The following PHF24 variants were observed in gnomAD, a reference collection of about 807,000 sequenced individuals.
PHF24 encodes the protein PHD finger protein 24.
PHF24 carries 25 observed loss-of-function variants against 42.6 expected under a neutral mutation model. That is an observed-to-expected ratio of 0.59 (90% CI 0.43 to 0.82). The LOEUF (loss-of-function observed/expected upper bound fraction) is 0.82, where lower values mean the gene tolerates loss of function less well. Among genes scored for constraint, PHF24 ranks in the 40% least tolerant of loss-of-function variants. PHF24 has a pLI of 0.00. For missense variants in PHF24, 470 were observed against 538.1 expected, an observed-to-expected ratio of 0.87 and a Z score of 1.25; for synonymous variants, 185 against 204.8, an observed-to-expected ratio of 0.90 and a Z score of 0.83.
At chr9:34,765,517 T>G in the PHF24 span, among the ~76,000 whole-genome samples, 7 of 150,182 alleles carry the variant, frequency 4.7e-5, no homozygotes, top group Non-Finnish European at 1.0e-4. Flanking sequence ...AGACTAGGAT[T>G]GCAACCCCTG....
At chr9:34,867,228 G>C in the PHF24 span, among the ~76,000 whole-genome samples, 1 of 152,210 alleles carries the variant, frequency 6.6e-6, no homozygotes, top group South Asian at 2.1e-4. Context: ...TCAGCAAAAT[G>C]GAGAGGCACT....
chr9:34,670,752 G>A, the PHF24 span, among the ~76,000 whole-genome samples: 16 of 152,270 alleles, frequency 1.1e-4, no homozygotes, highest in Non-Finnish European at 2.1e-4. Context: ...AGGTAGGAAT[G>A]TGTCTCCTCC....
chr9:34,843,674 G>T, the PHF24 span, among the ~76,000 whole-genome samples: 3 of 152,220 alleles, frequency 2.0e-5, no homozygotes, highest in African/African-American at 7.2e-5. Flanking sequence ...ACAAAATTTA[G>T]TGATTCAAAA....
the PHF24 span, among the ~76,000 whole-genome samples, chr9:34,927,354 C>G: frequency 1.3e-5 from 2 of 152,070 alleles, no homozygotes; most frequent in Non-Finnish European, 1.5e-5. Context: ...CAGTGGCTAC[C>G]GGCCCCCAGA....
At chr9:34,791,713 G>T in the PHF24 span, among the ~76,000 whole-genome samples, 2 of 152,228 alleles carry the variant, frequency 1.3e-5, no homozygotes, top group African/African-American at 2.4e-5. Flanking sequence ...CAGAAGGCTT[G>T]TTAAAATGTT....
chr9:34,710,081 G>A, the PHF24 span: 5 of 1,612,214 alleles, frequency 3.1e-6, no homozygotes, highest in Non-Finnish European at 4.2e-6. Context: ...GTGGTAGAGG[G>A]TGAGTAAGAG....
At chr9:34,938,370 A>G in the PHF24 span, among the ~76,000 whole-genome samples, 1 of 152,236 alleles carries the variant, frequency 6.6e-6, no homozygotes, top group African/African-American at 2.4e-5. Context: ...TTATGTTACA[A>G]ATGTAGTCAA....
the PHF24 span, among the ~76,000 whole-genome samples, chr9:34,829,106 C>G: frequency 6.6e-6 from 1 of 151,930 alleles, no homozygotes; most frequent in Non-Finnish European, 1.5e-5. Context: ...TGGTCATATT[C>G]TGGATGGATT....
At chr9:34,815,247 C>T in the PHF24 span, among the ~76,000 whole-genome samples, 10 of 152,192 alleles carry the variant, frequency 6.6e-5, no homozygotes, top group Non-Finnish European at 1.5e-5. Context: ...GCTATGTCAC[C>T]TTAAAAATGA....
the PHF24 span, among the ~76,000 whole-genome samples, chr9:34,849,636 C>T: frequency 1.8e-3 from 268 of 152,200 alleles, no homozygotes; most frequent in Admixed American, 4.5e-3. Flanking sequence ...GAATTTGATC[C>T]TGTCATTATG....
chr9:34,780,563 G>A, the PHF24 span, among the ~76,000 whole-genome samples: 3 of 151,984 alleles, frequency 2.0e-5, no homozygotes, highest in African/African-American at 7.2e-5. Context: ...GGGATTATAA[G>A]CGTGAGCCAC....
chr9:34,815,522 C>A, the PHF24 span, among the ~76,000 whole-genome samples: 2,223 of 152,270 alleles, frequency 0.015, 49 homozygotes, highest in African/African-American at 0.051. Flanking sequence ...CAGGGTTTCA[C>A]CGTGTTAGCC....
the PHF24 span, among the ~76,000 whole-genome samples, chr9:34,871,487 T>C: frequency 6.6e-6 from 1 of 152,212 alleles, no homozygotes; most frequent in African/African-American, 2.4e-5. Context: ...ATCATGACTT[T>C]GATGTTATAC....
the PHF24 span, among the ~76,000 whole-genome samples, chr9:34,775,604 C>G: frequency 4.5e-4 from 68 of 152,242 alleles, no homozygotes; most frequent in African/African-American, 1.4e-3. Flanking sequence ...TACATGGAAA[C>G]TGTACTATCT....
chr9:34,912,275 CTCTTTTCTCTA>C, the PHF24 span, among the ~76,000 whole-genome samples: 2 of 152,098 alleles, frequency 1.3e-5, no homozygotes, highest in Non-Finnish European at 2.9e-5. Context: ...TTTTCTCTCT[CTCTTTTCTCTA>C]ACTACCTTGT....
the PHF24 span, among the ~76,000 whole-genome samples, chr9:34,714,603 C>G: frequency 6.6e-6 from 1 of 152,188 alleles, no homozygotes; most frequent in Admixed American, 6.5e-5. Flanking sequence ...TGGGGTGGGG[C>G]TGGGAGAGCC....
the PHF24 span, chr9:34,917,575 G>A: frequency 1.3e-6 from 1 of 775,820 alleles, no homozygotes; most frequent in Non-Finnish European, 2.4e-6. Context: ...GGTTTGGCAT[G>A]GAGCAGGAAT....
At chr9:34,741,745 T>G in the PHF24 span, among the ~76,000 whole-genome samples, 3 of 152,268 alleles carry the variant, frequency 2.0e-5, no homozygotes, top group Non-Finnish European at 4.4e-5. Flanking sequence ...TACTACCTTC[T>G]ATTTGCTTTT....
chr9:34,769,110 A>G, the PHF24 span, among the ~76,000 whole-genome samples: 1 of 152,186 alleles, frequency 6.6e-6, no homozygotes, highest in Non-Finnish European at 1.5e-5. Context: ...TCATTTTCAA[A>G]TATATAAATG....
Sources: gnomAD v4.1 joint callset for allele counts (sites outside exome capture counted in the v4.1 genomes callset) on GRCh38, gnomAD v4.1.1 for gene constraint, MANE v1.5 for transcripts, NCBI Gene and HGNC (gene_info 2026-07-23, HGNC 2026-07-21) for gene names.